Variants in GRIN2A observed in about 807,000 individuals in gnomAD.
The protein encoded by GRIN2A is glutamate receptor ionotropic, NMDA 2A.
Under a neutral mutation model 113.4 loss-of-function variants are expected in GRIN2A, and 22 were observed. That is an observed-to-expected ratio of 0.19 (90% CI 0.14 to 0.28). The LOEUF is 0.28. Among genes scored for constraint, GRIN2A ranks in the 10% least tolerant of loss-of-function variants. The pLI, the probability that GRIN2A is intolerant of heterozygous loss-of-function variation, is 1.00. For synonymous variants in GRIN2A, 827 were observed against 738.4 expected (o/e 1.12, Z -1.94); for missense variants, 1,502 against 1,887.0 (o/e 0.80, Z 3.78).
intron 2 of GRIN2A, among the ~76,000 whole-genome samples, chr16:10,080,222 T>C (rs1276300623): frequency 1.3e-5 from 2 of 152,188 alleles, no homozygotes; most frequent in Non-Finnish European, 2.9e-5. Context: ...CTTGCTGTGG[T>C]TCTCACTCCC....
chr16:9,991,280 G>A (rs953871700), intron 2 of GRIN2A, among the ~76,000 whole-genome samples: 2 of 152,166 alleles, frequency 1.3e-5, no homozygotes, highest in Non-Finnish European at 2.9e-5. Context: ...CCTAGATAGA[G>A]GAAATGGCAT....
Position 9,802,880 on chromosome 16 carries a change from G to A in GRIN2A, c.2169-4416C>T, listed in dbSNP as rs774620884. 9.2e-4 allele frequency among the ~76,000 whole-genome samples: 140 copies of A among 152,266 alleles called. 2 individuals are homozygous for A. Among genetic ancestry groups the A allele is most frequent in the Middle Eastern group, 6.8e-3 (2 of 294 alleles). ...TCCCACGTGCCTATGGGCTATTGCG[G>A]CACAGCCCTAGCTGTTCTGTGGCAA... On this transcript the variant is annotated intron_variant, in intron 10 of 12. Coordinates refer to ENST00000330684, the MANE Select transcript of GRIN2A (RefSeq NM_001134407.3).
At chr16:9,891,298 A>G (rs1413902758) in intron 3 of GRIN2A, among the ~76,000 whole-genome samples, 198 bp from the exon 4 acceptor site, 3 of 152,184 alleles carry the variant, frequency 2.0e-5, no homozygotes, top group Non-Finnish European at 4.4e-5. Context: ...ATTGACTGTA[A>G]TTAACACGTG....
intron 3 of GRIN2A, among the ~76,000 whole-genome samples, chr16:9,910,921 G>T (rs971286017): frequency 6.6e-6 from 1 of 151,610 alleles, no homozygotes; most frequent in Non-Finnish European, 1.5e-5. Flanking sequence ...TTTTCTGCTT[G>T]CCTGCTTCCA....
chr16:10,037,243 T>A (rs780482489), intron 2 of GRIN2A: 4 of 152,166 alleles, frequency 2.6e-5, no homozygotes, highest in Non-Finnish European at 2.9e-5. Flanking sequence ...ATCTCCCTAA[T>A]GCTTTTCTTC....
intron 2 of GRIN2A, chr16:10,179,716 A>C: frequency 2.0e-6 from 1 of 492,328 alleles, no homozygotes; most frequent in Non-Finnish European, 3.7e-6. Flanking sequence ...CACCACCACC[A>C]CCCCACAGCC....
intron 11 of GRIN2A, among the ~76,000 whole-genome samples, chr16:9,780,241 C>T (rs768272466): frequency 2.4e-4 from 37 of 152,194 alleles, no homozygotes; most frequent in Non-Finnish European, 5.1e-4. Flanking sequence ...CTCTATTACC[C>T]AGCAATTTCA....
At position 10,157,195 on chromosome 16, in the gene GRIN2A, C is replaced by T. The variant is rs139762333; in HGVS notation, c.414+22803G>A. 2.3e-3 allele frequency among the ~76,000 whole-genome samples: 353 copies of T among 152,162 alleles called. 1 individual carries two copies. Among genetic ancestry groups the T allele is most frequent in the South Asian group, 4.4e-3 (21 of 4,812 alleles). On this transcript the variant is annotated intron_variant, in intron 2 of 12. Transcript: ENST00000330684. Reference sequence around the variant, plus strand: ...AAGGACCAGGTGCCAGGGATGGAGACGAACCAAGAGTTGGGCAGTGGAAGA... The same window carrying T: ...AAGGACCAGGTGCCAGGGATGGAGATGAACCAAGAGTTGGGCAGTGGAAGA...
At chr16:10,175,584 C>T (rs1013076824) in intron 2 of GRIN2A, among the ~76,000 whole-genome samples, 1 of 152,014 alleles carries the variant, frequency 6.6e-6, no homozygotes, top group Non-Finnish European at 1.5e-5. Flanking sequence ...TATATGTCTG[C>T]GGAGGAGAGA....
rs1223353385 is a variant in GRIN2A at position 9,754,061 on chromosome 16, GAGA to G, written c.*9085_*9087del. The G allele has an allele frequency of 1.6e-5, 3 of 183,462 alleles. No homozygotes were observed. Among genetic ancestry groups the G allele is most frequent in the East Asian group, 1.8e-4 (2 of 11,244 alleles). 11.4% of individuals were successfully genotyped at this position (183,462 alleles called of 1,614,324 possible). A position where few individuals can be genotyped will look rare whatever the true frequency, so the allele number is the denominator to read the frequency against. On this transcript the variant is annotated 3_prime_UTR_variant, in exon 13 of 13. Coordinates refer to ENST00000330684, the MANE Select transcript of GRIN2A (RefSeq NM_001134407.3). ...GAAAAATGAATCATTTATCCTCTTT[GAGA>G]AGGCCATTATTTATAATTTTTATGA...
rs375160358 is a variant in GRIN2A at position 9,764,000 on chromosome 16, C to T, written c.3544G>A (p.Asp1182Asn). The change falls in exon 13 of 13, where the codon GAC (aspartate) becomes AAC (asparagine). Residue 1182 changes from aspartate (D) to asparagine (N), a missense_variant. Asp to Asn is a conservative substitution (Grantham distance 23). This residue lies in a region of GRIN2A where 832 missense variants were observed against 789.7 expected (regional missense o/e 1.05). Transcript: ENST00000330684. ...TGCTTGGAGTAGAGTTTATACTGGT[C>T]GTTGTTGGAAAGCCCCTCTTCATTA... Reference protein sequence around the residue: ...LHNEEGLSNNDQYKLYSKHFT... With the variant: ...LHNEEGLSNNNQYKLYSKHFT... 13 of 1,613,974 alleles carry T rather than the reference C, an allele frequency of 8.1e-6. No homozygotes were observed. The highest frequency in any genetic ancestry group is 2.2e-5 in the East Asian group (1 of 44,872).
intron 4 of GRIN2A, among the ~76,000 whole-genome samples, chr16:9,864,787 T>C (rs922046828): frequency 6.6e-6 from 1 of 152,158 alleles, no homozygotes; most frequent in Non-Finnish European, 1.5e-5. Flanking sequence ...AGAGGTGAAA[T>C]GTCTGGAACT....
At chr16:10,176,254 C>T (rs542776346) in intron 2 of GRIN2A, among the ~76,000 whole-genome samples, 32 of 152,240 alleles carry the variant, frequency 2.1e-4, no homozygotes, top group African/African-American at 7.7e-4. Context: ...ATCCACCCGC[C>T]TTGGCCTCCC....
chr16:9,832,972 T>G (rs937528997), intron 8 of GRIN2A, among the ~76,000 whole-genome samples: 1 of 152,202 alleles, frequency 6.6e-6, no homozygotes, highest in Non-Finnish European at 1.5e-5. Context: ...AACATCTAAG[T>G]GAAAAGAATA....
intron 2 of GRIN2A, among the ~76,000 whole-genome samples, chr16:10,020,974 T>G (rs902091638): frequency 6.6e-6 from 1 of 152,170 alleles, no homozygotes; most frequent in African/African-American, 2.4e-5. Context: ...TTCCCCAAAC[T>G]TCTCCCTCTC....
chr16:9,934,830 G>T (rs559667543), intron 3 of GRIN2A, among the ~76,000 whole-genome samples: 1 of 152,068 alleles, frequency 6.6e-6, no homozygotes, highest in Non-Finnish European at 1.5e-5. Flanking sequence ...GACCGTGGGA[G>T]AGTGTGGGAA....
chr16:10,035,372 C>T (rs1463287473), intron 2 of GRIN2A, among the ~76,000 whole-genome samples: 2 of 152,168 alleles, frequency 1.3e-5, no homozygotes, highest in East Asian at 3.9e-4. Context: ...CTCTCACCCT[C>T]CTCTCCATAT....
intron 2 of GRIN2A, among the ~76,000 whole-genome samples, chr16:9,985,265 T>G (rs2045959120): frequency 6.6e-6 from 1 of 152,238 alleles, no homozygotes; most frequent in Non-Finnish European, 1.5e-5. Flanking sequence ...TCATTTTATA[T>G]GGTCCCGCAT....
rs779269712 is a variant in GRIN2A, at chr16:9,868,565, C to A, written c.1123-18604G>T. Among the ~76,000 whole-genome samples, 47 of 152,288 alleles carry A rather than the reference C, an allele frequency of 3.1e-4. 1 individual carries two copies. The highest frequency in any genetic ancestry group is 1.9e-3 in the South Asian group (9 of 4,826). Reference sequence around the variant, plus strand: ...TACAGGCATGAGCCACCGTGCCTAGCCCAAATCGTCACTTTAAATACCTCT... The same window carrying A: ...TACAGGCATGAGCCACCGTGCCTAGACCAAATCGTCACTTTAAATACCTCT... On this transcript the variant is annotated intron_variant, in intron 4 of 12. Coordinates refer to ENST00000330684, the MANE Select transcript of GRIN2A (RefSeq NM_001134407.3).
Sources: allele counts gnomAD v4.1 joint callset (sites outside exome capture counted in the v4.1 genomes callset), GRCh38; gene constraint gnomAD v4.1.1; regional missense constraint gnomAD v4.1.1; transcripts MANE v1.5; gene names NCBI Gene and HGNC (gene_info 2026-07-23, HGNC 2026-07-21).